Variants in AGAP1 observed in about 807,000 individuals in gnomAD.
AGAP1 encodes the protein ArfGAP with GTPase domain, ankyrin repeat and PH domain 1, also known as arf-GAP with GTPase, ANK repeat and PH domain-containing protein 1.
Under a neutral mutation model 105.3 loss-of-function variants are expected in AGAP1, and 29 were observed. The ratio of observed to expected loss-of-function variants is 0.28; its 90% CI spans 0.21 to 0.38. The LOEUF is 0.38. Ranked by LOEUF, AGAP1 falls within the 10% of genes least tolerant of loss-of-function variation. The pLI is 1.00. For missense variants in AGAP1, 998 were observed against 1,165.1 expected (o/e 0.86, Z 2.09); for synonymous variants, 509 against 485.9 (o/e 1.05, Z -0.63).
chr2:235,858,109 A>G (rs769595522), intron 9 of AGAP1, among the ~76,000 whole-genome samples: 8 of 152,256 alleles, frequency 5.3e-5, no homozygotes, highest in South Asian at 2.1e-4. Flanking sequence ...AATTGAACAT[A>G]ATCCAGACTA....
chr2:235,960,516 G>A lies in AGAP1; in HGVS notation c.1484-7946G>A, dbSNP rs1436337380. 2.0e-5 allele frequency among the ~76,000 whole-genome samples: 3 copies of A among 152,150 alleles called. No individual in the cohort carries two copies. The highest frequency in any genetic ancestry group is 4.4e-5 in the Non-Finnish European group (3 of 68,032). On this transcript the variant is annotated intron_variant, in intron 12 of 17. Coordinates refer to ENST00000304032, the MANE Select transcript of AGAP1 (RefSeq NM_001037131.3). The surrounding 1 kb of genome is among the most constrained non-coding windows in gnomAD (Gnocchi z 4.9). ...GCCTGGGTATGCTCGGTCCAGTGCA[G>A]GTGGGCGTGCGGACTCTTCCGTACC...
In AGAP1 at chr2:235,550,782, T is replaced by G. The variant is rs1943780884; in HGVS notation, c.163+55933T>G. ...GAGATAGTGTTTATTTATTTTTATC[T>G]TATTTTTTTTGAGATAGAGTCTCAC... On this transcript the variant is annotated intron_variant, in intron 1 of 17. Coordinates refer to ENST00000304032, the MANE Select transcript of AGAP1 (RefSeq NM_001037131.3). The surrounding 1 kb of genome is among the most constrained non-coding windows in gnomAD (Gnocchi z 4.6). Among the ~76,000 whole-genome samples, 1 of 152,192 alleles carries G rather than the reference T, an allele frequency of 6.6e-6. No individual in the cohort carries two copies. The highest frequency in any genetic ancestry group is 2.4e-5 in the African/African-American group (1 of 41,450).
intron 1 of AGAP1, among the ~76,000 whole-genome samples, chr2:235,681,117 TCCTG>T (rs1289111085): frequency 6.6e-6 from 1 of 152,126 alleles, no homozygotes; most frequent in Admixed American, 6.5e-5. Flanking sequence ...CACACCGTTC[TCCTG>T]CCTCAGCCTC....
intron 9 of AGAP1, among the ~76,000 whole-genome samples, chr2:235,835,098 T>G (rs563823682): frequency 6.6e-6 from 1 of 152,322 alleles, no homozygotes; most frequent in South Asian, 2.1e-4. Flanking sequence ...TCTCCCCGAT[T>G]GCACAGTAGC....
Position 235,908,672 on chromosome 2 carries a change from T to A in AGAP1, c.1156-66T>A. 2.1e-6 allele frequency: 3 copies of A among 1,451,938 alleles called. No homozygotes were observed. The highest frequency in any genetic ancestry group is 2.8e-5 in the South Asian group (2 of 71,688). The allele number at this position is 1,451,938 out of a possible 1,614,324, so 89.9% of individuals were successfully genotyped here. ...ACTCATGACGTCTGATAGACCCTTTTGTTCTAGGTTGTAAAAGGTCTTTTT... is the reference window on the plus strand; with the variant it reads ...ACTCATGACGTCTGATAGACCCTTTAGTTCTAGGTTGTAAAAGGTCTTTTT... On this transcript the variant is annotated intron_variant, in intron 10 of 17. Coordinates refer to ENST00000304032, the MANE Select transcript of AGAP1 (RefSeq NM_001037131.3). The surrounding 1 kb of genome is among the most constrained non-coding windows in gnomAD (Gnocchi z 4.4).
intron 11 of AGAP1, among the ~76,000 whole-genome samples, chr2:235,917,704 C>A (rs1383555326): frequency 6.6e-6 from 1 of 152,124 alleles, no homozygotes; most frequent in Admixed American, 6.5e-5. Flanking sequence ...TTAATGAGGC[C>A]TAAGAGTGCA....
In AGAP1 at chr2:235,701,096, CTA is replaced by C. The variant is rs1382175230; in HGVS notation, c.164-8080_164-8079del. Among the ~76,000 whole-genome samples, 4 of 127,418 alleles carry C rather than the reference CTA, an allele frequency of 3.1e-5. No homozygotes were observed. Among genetic ancestry groups the C allele is most frequent in the Admixed American group, 8.5e-5 (1 of 11,830 alleles). 83.6% of individuals were successfully genotyped at this position (127,418 alleles called of 152,430 possible). On this transcript the variant is annotated intron_variant, in intron 1 of 17. Coordinates refer to ENST00000304032, the MANE Select transcript of AGAP1 (RefSeq NM_001037131.3). This position sits in a 1 kb window ranked among gnomAD's most constrained non-coding sequence, Gnocchi z 4.1. ...TAGTTATATGTATATATTATATACT[CTA>C]TAATATAGTTATATGTACATATTAT...
At chr2:236,006,365 A>C (rs2056323020) in intron 13 of AGAP1, among the ~76,000 whole-genome samples, 2 of 152,136 alleles carry the variant, frequency 1.3e-5, no homozygotes, top group African/African-American at 2.4e-5. Flanking sequence ...ATTAGAAACC[A>C]GTGTCTTGGA....
At chr2:235,708,860 G>T (rs536155669) in intron 1 of AGAP1, among the ~76,000 whole-genome samples, 1 of 152,296 alleles carries the variant, frequency 6.6e-6, no homozygotes, top group Non-Finnish European at 1.5e-5. Context: ...CAGTCAGGAG[G>T]GTCTGAAGAT....
chr2:235,952,456 G>C (rs1362856319), intron 12 of AGAP1, among the ~76,000 whole-genome samples: 1 of 152,122 alleles, frequency 6.6e-6, no homozygotes, highest in Admixed American at 6.5e-5. Flanking sequence ...AGGTTATCCA[G>C]GTACCAGATA....
At chr2:235,540,171 G>C (rs1419635522) in intron 1 of AGAP1, among the ~76,000 whole-genome samples, 1 of 122,186 alleles carries the variant, frequency 8.2e-6, no homozygotes, top group Non-Finnish European at 1.6e-5. Flanking sequence ...TTTTTTTTGA[G>C]ACAGAGTCTT....
chr2:235,563,515 A>G (rs1207489282), intron 1 of AGAP1, among the ~76,000 whole-genome samples: 3 of 147,530 alleles, frequency 2.0e-5, no homozygotes, highest in African/African-American at 7.6e-5. Context: ...GGTCCTCAGC[A>G]CACACTGGGC....
chr2:236,116,261 C>A (rs2059767087), intron 16 of AGAP1, among the ~76,000 whole-genome samples: 1 of 151,724 alleles, frequency 6.6e-6, no homozygotes, highest in African/African-American at 2.4e-5. Flanking sequence ...TTCGGGCCCA[C>A]AAAACCTGGA....
chr2:235,835,728 A>G (rs533505873), intron 9 of AGAP1, among the ~76,000 whole-genome samples: 22 of 152,342 alleles, frequency 1.4e-4, no homozygotes, highest in African/African-American at 5.1e-4. Flanking sequence ...CTCCATTGCA[A>G]AAAGTTTGTA....
At chr2:235,589,671 A>G (rs555189790) in intron 1 of AGAP1, among the ~76,000 whole-genome samples, 1 of 152,170 alleles carries the variant, frequency 6.6e-6, no homozygotes, top group Non-Finnish European at 1.5e-5. Context: ...ACAGAATGAA[A>G]CCCTGTCTCA....
chr2:235,796,473 A>G (rs1053349051), intron 6 of AGAP1, among the ~76,000 whole-genome samples: 5 of 152,280 alleles, frequency 3.3e-5, no homozygotes, highest in African/African-American at 1.2e-4. Context: ...CGGAAGATAA[A>G]TTAATTGATA....
At chr2:236,015,737 C>T (rs2056677137) in intron 13 of AGAP1, among the ~76,000 whole-genome samples, 1 of 152,084 alleles carries the variant, frequency 6.6e-6, no homozygotes, top group Admixed American at 6.6e-5. Flanking sequence ...CACTTAAGTG[C>T]AAGCCAAATG....
chr2:236,016,152 T>C (rs2125582060), intron 13 of AGAP1, among the ~76,000 whole-genome samples: 1 of 152,306 alleles, frequency 6.6e-6, no homozygotes, highest in South Asian at 2.1e-4. Flanking sequence ...TTGTTGTCTG[T>C]TAAGATACCA....
At chr2:235,495,249 T>G (rs1941265165) in intron 1 of AGAP1, among the ~76,000 whole-genome samples, 1 of 151,678 alleles carries the variant, frequency 6.6e-6, no homozygotes, top group Non-Finnish European at 1.5e-5. Flanking sequence ...GTTGAAGACG[T>G]GTTCTGAGAA....
Sources: allele counts gnomAD v4.1 joint callset (sites outside exome capture counted in the v4.1 genomes callset), GRCh38; gene constraint gnomAD v4.1.1; non-coding constraint Gnocchi (gnomAD v3.1); transcripts MANE v1.5; gene names NCBI Gene and HGNC (gene_info 2026-07-23, HGNC 2026-07-21).